The following CPNE4 variants were observed in gnomAD, a reference collection of about 807,000 sequenced individuals.
The protein encoded by CPNE4 is copine-4.
In CPNE4, 25 loss-of-function variants were observed where a neutral mutation model predicts 67.9. The observed-to-expected ratio is 0.37, with a 90% CI of 0.27 to 0.51. The LOEUF (loss-of-function observed/expected upper bound fraction) is 0.51, where lower values mean the gene tolerates loss of function less well. Among genes scored for constraint, CPNE4 ranks in the 20% least tolerant of loss-of-function variants. The pLI is 0.93. For missense variants in CPNE4, 464 were observed against 690.8 expected, an observed-to-expected ratio of 0.67 and a Z score of 3.68; for synonymous variants, 242 against 244.9, an observed-to-expected ratio of 0.99 and a Z score of 0.11.
At chr3:131,641,042 A>G (rs918046270) in intron 7 of CPNE4, among the ~76,000 whole-genome samples, 9 of 152,210 alleles carry the variant, frequency 5.9e-5, no homozygotes, top group African/African-American at 2.2e-4. Flanking sequence ...ACTTAAAACT[A>G]AGACCTGAAT....
chr3:131,929,842 A>G (rs2071003808), intron 1 of CPNE4, among the ~76,000 whole-genome samples: 2 of 152,154 alleles, frequency 1.3e-5, no homozygotes, highest in Non-Finnish European at 2.9e-5. Flanking sequence ...ATGAATCTGC[A>G]TTGGTGGTAT....
chr3:131,698,233 C>CAATAAAAAAAAAA (rs2081203594), intron 4 of CPNE4, among the ~76,000 whole-genome samples: 1 of 64,450 alleles, frequency 1.6e-5, no homozygotes, highest in Non-Finnish European at 2.6e-5. Context: ...GGCTCTGTCT[C>CAATAAAAAAAAAA]AAAAAAAAAA....
At position 131,953,254 on chromosome 3, in the gene CPNE4, A is replaced by ATAAAAT. The variant is rs1560669366; in HGVS notation, c.-1-47811_-1-47810insATTTTA. ...AATGATCAATTAAAAAAAAAAAAAA[A>ATAAAAT]AAAAAAAAAAAAGAATGGTGAAAGT... is the stretch of plus-strand genomic sequence containing the variant. On this transcript the variant is annotated intron_variant, in intron 1 of 15. Transcript: ENST00000429747. Among the ~76,000 whole-genome samples, 30 of 122,272 alleles carry ATAAAAT rather than the reference A, an allele frequency of 2.5e-4. 1 individual carries two copies. The highest frequency in any genetic ancestry group is 2.2e-3 in the Admixed American group (28 of 12,902). The allele number at this position is 122,272 out of a possible 152,430, so 80.2% of individuals were successfully genotyped here.
At position 131,821,961 on chromosome 3, in the gene CPNE4, G is replaced by A. The variant is rs116566787; in HGVS notation, c.180+83303C>T. Among the ~76,000 whole-genome samples, 411 of 152,258 alleles carry A rather than the reference G, an allele frequency of 2.7e-3. 1 individual carries two copies. Among genetic ancestry groups the A allele is most frequent in the African/African-American group, 9.3e-3 (388 of 41,550 alleles). ...TCTCTATTCCTAATTACCAGTAGCA[G>A]TGTAATGTTAAATACCACTTCCAGG... On this transcript the variant is annotated intron_variant, in intron 2 of 15. Coordinates refer to ENST00000429747, the MANE Select transcript of CPNE4 (RefSeq NM_130808.3).
At chr3:131,655,875 T>C (rs2079945053) in intron 7 of CPNE4, among the ~76,000 whole-genome samples, 1 of 152,148 alleles carries the variant, frequency 6.6e-6, no homozygotes, top group Non-Finnish European at 1.5e-5. Context: ...CTTGCTATTC[T>C]AGGAACTGTT....
At chr3:131,608,842 C>A (rs6787414) in intron 7 of CPNE4, among the ~76,000 whole-genome samples, 20,086 of 152,074 alleles carry the variant, frequency 0.13, 1,869 homozygotes, top group African/African-American at 0.26. Flanking sequence ...ACTTCTCTAG[C>A]CTCATTCCAC....
At chr3:131,561,224 G>C (rs1442160610) in intron 11 of CPNE4, among the ~76,000 whole-genome samples, 1 of 152,026 alleles carries the variant, frequency 6.6e-6, no homozygotes, top group Non-Finnish European at 1.5e-5. Context: ...CAGGTTTTCA[G>C]AGACCCATAT....
At chr3:131,855,092 A>T (rs1036390967) in intron 2 of CPNE4, among the ~76,000 whole-genome samples, 1 of 151,950 alleles carries the variant, frequency 6.6e-6, no homozygotes, top group African/African-American at 2.4e-5. Flanking sequence ...GTTTTAGGTC[A>T]GTGTATTTCA....
At chr3:131,912,464 G>T (rs2089014435) in intron 1 of CPNE4, among the ~76,000 whole-genome samples, 1 of 152,008 alleles carries the variant, frequency 6.6e-6, no homozygotes, top group African/African-American at 2.4e-5. Flanking sequence ...ATCCAGGGAA[G>T]GCTAGGGTGC....
At chr3:132,001,800 CA>C (rs2073458150) in intron 1 of CPNE4, among the ~76,000 whole-genome samples, 1 of 152,068 alleles carries the variant, frequency 6.6e-6, no homozygotes, top group Admixed American at 6.6e-5. Flanking sequence ...GAATTAAGGT[CA>C]AAATCCATAT....
intron 2 of CPNE4, among the ~76,000 whole-genome samples, chr3:131,867,423 G>C (rs191076038): frequency 6.6e-6 from 1 of 152,094 alleles, no homozygotes; most frequent in East Asian, 1.9e-4. Flanking sequence ...TAGCCAAAGA[G>C]TGGCCAATAT....
intron 2 of CPNE4, among the ~76,000 whole-genome samples, chr3:131,866,889 C>T (rs920820367): frequency 6.6e-5 from 10 of 152,110 alleles, no homozygotes; most frequent in African/African-American, 2.4e-4. Flanking sequence ...AGGCATACAA[C>T]CTGACACAAC....
chr3:131,977,669 T>G (rs1353693360), intron 1 of CPNE4, among the ~76,000 whole-genome samples: 1 of 152,158 alleles, frequency 6.6e-6, no homozygotes, highest in East Asian at 1.9e-4. Context: ...TTTTCCTACA[T>G]CATTAAAGAT....
At chr3:131,716,623 C>A (rs1052957691) in intron 3 of CPNE4, among the ~76,000 whole-genome samples, 24 of 152,216 alleles carry the variant, frequency 1.6e-4, no homozygotes, top group African/African-American at 5.3e-4. Context: ...ACAAGCATTG[C>A]CTCTTCCCAT....
intron 1 of CPNE4, among the ~76,000 whole-genome samples, chr3:132,006,299 T>C (rs2073604279): frequency 6.6e-6 from 1 of 152,136 alleles, no homozygotes; most frequent in Non-Finnish European, 1.5e-5. Context: ...AAGAGTTCAG[T>C]TTCCTCATCA....
At chr3:131,905,558 A>G (rs1560575557) in intron 1 of CPNE4, 114 bp from the exon 2 acceptor site, 4 of 894,996 alleles carry the variant, frequency 4.5e-6, no homozygotes, top group Non-Finnish European at 6.7e-6. Flanking sequence ...AGTTTCAAAC[A>G]TTGAAGGTAT....
At chr3:131,884,134 G>T (rs1338068548) in intron 2 of CPNE4, among the ~76,000 whole-genome samples, 1 of 152,164 alleles carries the variant, frequency 6.6e-6, no homozygotes, top group Non-Finnish European at 1.5e-5. Flanking sequence ...CTGGGACCAT[G>T]TATTGTTCCC....
intron 2 of CPNE4, among the ~76,000 whole-genome samples, chr3:131,748,384 C>T (rs1490102481): frequency 2.0e-5 from 3 of 151,766 alleles, no homozygotes; most frequent in African/African-American, 7.3e-5. Context: ...GCATCTATAT[C>T]GTGAGGAATA....
chr3:131,587,727 G>T (rs1407364064), intron 7 of CPNE4, 145 bp from the exon 8 acceptor site: 1 of 627,882 alleles, frequency 1.6e-6, no homozygotes, highest in Non-Finnish European at 2.8e-6. Context: ...GAGCATATGG[G>T]ATGTAATTCT....
Sources: gnomAD v4.1 joint callset for allele counts (sites outside exome capture counted in the v4.1 genomes callset) on GRCh38, gnomAD v4.1.1 for gene constraint, MANE v1.5 for transcripts, NCBI Gene and HGNC (gene_info 2026-07-23, HGNC 2026-07-21) for gene names.